The following PPFIBP1 variants were observed in gnomAD, a reference collection of about 807,000 sequenced individuals.
PPFIBP1 encodes the protein liprin-beta-1.
In PPFIBP1, 112 loss-of-function variants were observed where a neutral mutation model predicts 137.8. The observed-to-expected ratio is 0.81, with a 90% confidence interval of 0.70 to 0.95. The LOEUF (loss-of-function observed/expected upper bound fraction) is 0.95, where lower values mean the gene tolerates loss of function less well. PPFIBP1 is among the 40% of genes least tolerant of loss of function. The probability of loss-of-function intolerance (pLI) is 0.00; values close to 1 mark genes in which losing one functional copy is unlikely to be tolerated. For missense variants in PPFIBP1, 1,083 were observed against 1,196.6 expected, an observed-to-expected ratio of 0.91 and a Z score of 1.40; for synonymous variants, 378 against 417.3, an observed-to-expected ratio of 0.91 and a Z score of 1.15.
chr12:27,649,642 C>T (rs2058750895), intron 6 of PPFIBP1, among the ~76,000 whole-genome samples: 1 of 152,086 alleles, frequency 6.6e-6, no homozygotes, highest in Admixed American at 6.5e-5. Flanking sequence ...CCTCCGCCTC[C>T]TGGGTTCAAG....
chr12:27,590,468 GC>G (rs2052366136), intron 2 of PPFIBP1, among the ~76,000 whole-genome samples: 1 of 152,178 alleles, frequency 6.6e-6, no homozygotes. Context: ...GAGCCACTGC[GC>G]GCAGCCCACT....
At chr12:27,566,023 A>G (rs1477372391) in intron 1 of PPFIBP1, among the ~76,000 whole-genome samples, 1 of 152,134 alleles carries the variant, frequency 6.6e-6, no homozygotes, top group Non-Finnish European at 1.5e-5. Context: ...AGATTACATT[A>G]TAGGTCATTA....
chr12:27,641,555 T>C (rs535675221), intron 4 of PPFIBP1, among the ~76,000 whole-genome samples: 2 of 152,210 alleles, frequency 1.3e-5, no homozygotes, highest in African/African-American at 4.8e-5. Flanking sequence ...TTTTCTGTAA[T>C]AAAAAACATT....
intron 28 of PPFIBP1, among the ~76,000 whole-genome samples, chr12:27,692,305 C>T (rs2061596206): frequency 6.6e-6 from 1 of 152,146 alleles, no homozygotes; most frequent in Non-Finnish European, 1.5e-5. Flanking sequence ...GTTATTCTAC[C>T]TAGCCTTTTC....
intron 11 of PPFIBP1, among the ~76,000 whole-genome samples, chr12:27,662,700 G>A (rs2059624024): frequency 6.6e-6 from 1 of 152,214 alleles, no homozygotes; most frequent in African/African-American, 2.4e-5. Flanking sequence ...TGAAGGGAAA[G>A]AATGAGCTTA....
chr12:27,597,106 A>C (rs1398182603), intron 2 of PPFIBP1, among the ~76,000 whole-genome samples: 1 of 152,268 alleles, frequency 6.6e-6, no homozygotes, highest in African/African-American at 2.4e-5. Flanking sequence ...TATGGTATAC[A>C]GGACTGGCTA....
intron 1 of PPFIBP1, among the ~76,000 whole-genome samples, chr12:27,569,201 G>T (rs903353732): frequency 6.6e-6 from 1 of 152,160 alleles, no homozygotes; most frequent in Non-Finnish European, 1.5e-5. Flanking sequence ...AAAGCCTTCT[G>T]CAGTGGGCTC....
At chr12:27,691,581 A>G (rs1266689407) in intron 27 of PPFIBP1, among the ~76,000 whole-genome samples, 168 bp from the exon 28 acceptor site, 1 of 152,172 alleles carries the variant, frequency 6.6e-6, no homozygotes, top group Non-Finnish European at 1.5e-5. Flanking sequence ...TTTTGTTTTT[A>G]TCCATATTTA....
At position 27,531,477 on chromosome 12, in the gene PPFIBP1, A is replaced by G. The variant is rs1487246792; in HGVS notation, c.-124+7112A>G. ...GCAGCTAATTTTTTTTTTTTTTTGT[A>G]TTTTTAGTAGAGACAGGGTTTCACC... On this transcript the variant is annotated intron_variant, in intron 1 of 29. Coordinates refer to ENST00000228425, the MANE Select transcript of PPFIBP1 (RefSeq NM_003622.4). Among the ~76,000 whole-genome samples, 11 of 126,370 alleles carry G rather than the reference A, an allele frequency of 8.7e-5. No individual in the cohort carries two copies. The South Asian group carries it at 2.8e-3, about 32-fold the overall frequency. 82.9% of individuals were successfully genotyped at this position (126,370 alleles called of 152,430 possible). A position where few individuals can be genotyped will look rare whatever the true frequency, so the allele number is the denominator to read the frequency against.
chr12:27,676,840 G>A (rs1271717213), intron 18 of PPFIBP1: 2 of 726,396 alleles, frequency 2.8e-6, no homozygotes, highest in Non-Finnish European at 4.8e-6. Context: ...CTAAAATCAT[G>A]ATTCCCTTTG....
chr12:27,592,518 G>C, intron 2 of PPFIBP1: 1 of 1,215,370 alleles, frequency 8.2e-7, no homozygotes, highest in Non-Finnish European at 1.2e-6. Flanking sequence ...CTCTGTGAAA[G>C]AATCGTTTCC....
chr12:27,670,788 A>ATAATAAT (rs57738136), intron 13 of PPFIBP1, among the ~76,000 whole-genome samples: 11,895 of 134,076 alleles, frequency 0.089, 631 homozygotes, highest in South Asian at 0.12. Context: ...CAAAAAAAAA[A>ATAATAAT]AAAAAAAATA....
rs1384551811 is a variant in PPFIBP1, at chr12:27,667,302, C to T, written c.1128C>T (p.Asn376=). The change falls in exon 13 of 30, where the codon AAC becomes AAT. Residue 376 remains asparagine, a synonymous_variant. Transcript: ENST00000228425. The part of the protein sequence containing the change: ...VMGSPSCDPF[N]TSVPEEFHTT... ...GATCTCCCAGTTGTGACCCATTTAA[C>T]ACAAGTGTTCCCGAAGAGGTATTAA... 4.4e-6 allele frequency: 7 copies of T among 1,603,522 alleles called. No individual in the cohort carries two copies. The highest frequency in any genetic ancestry group is 5.1e-6 in the Non-Finnish European group (6 of 1,176,836).
intron 22 of PPFIBP1, 83 bp downstream of exon 22, chr12:27,681,779 G>A (rs2060889429): frequency 6.8e-7 from 1 of 1,473,734 alleles, no homozygotes; most frequent in African/African-American, 1.4e-5. Context: ...AGTCCAGAAA[G>A]GGCCATGAGT....
intron 1 of PPFIBP1, among the ~76,000 whole-genome samples, chr12:27,555,784 GT>G (rs1289159826): frequency 6.6e-6 from 1 of 152,072 alleles, no homozygotes; most frequent in Admixed American, 6.6e-5. Flanking sequence ...CCCATTTTGT[GT>G]TAATTTTTCT....
chr12:27,597,514 C>T (rs2053460108), intron 2 of PPFIBP1, among the ~76,000 whole-genome samples: 1 of 152,026 alleles, frequency 6.6e-6, no homozygotes, highest in Non-Finnish European at 1.5e-5. Flanking sequence ...GATCTGGAGT[C>T]GTCTCTCTAG....
intron 7 of PPFIBP1, among the ~76,000 whole-genome samples, chr12:27,651,655 G>A (rs1443630802): frequency 6.6e-6 from 1 of 152,186 alleles, no homozygotes; most frequent in African/African-American, 2.4e-5. Context: ...AGTGGAGCTA[G>A]CTCTGCTGCA....
chr12:27,524,894 TG>T (rs1375109921), intron 1 of PPFIBP1, among the ~76,000 whole-genome samples: 1 of 152,184 alleles, frequency 6.6e-6, no homozygotes, highest in Non-Finnish European at 1.5e-5. Flanking sequence ...GAAATTCACT[TG>T]GGGTGTTTAT....
In PPFIBP1 at chr12:27,693,005, G is replaced by T; in HGVS notation, c.*123G>T. ...GTTTGTTGTTCCAACTTCTGCTGTCGAGAAGTTTAAACAGAAAGCAGGAGT... is the reference window on the plus strand; with the variant it reads ...GTTTGTTGTTCCAACTTCTGCTGTCTAGAAGTTTAAACAGAAAGCAGGAGT... On this transcript the variant is annotated 3_prime_UTR_variant, in exon 30 of 30. Coordinates refer to ENST00000228425, the MANE Select transcript of PPFIBP1 (RefSeq NM_003622.4). The T allele has an allele frequency of 1.4e-6, 2 of 1,425,640 alleles. No individual in the cohort carries two copies. The highest frequency in any genetic ancestry group is 2.7e-5 in the Admixed American group (1 of 36,710). The allele number at this position is 1,425,640 out of a possible 1,614,324, so 88.3% of individuals were successfully genotyped here.
Sources: allele counts gnomAD v4.1 joint callset (sites outside exome capture counted in the v4.1 genomes callset), GRCh38; gene constraint gnomAD v4.1.1; transcripts MANE v1.5; gene names NCBI Gene and HGNC (gene_info 2026-07-23, HGNC 2026-07-21).